The following HCN1 variants were observed in gnomAD, a reference collection of about 807,000 sequenced individuals.
HCN1 encodes hyperpolarization activated cyclic nucleotide gated potassium channel 1.
Under a neutral mutation model 78.9 loss-of-function variants are expected in HCN1, and 13 were observed. The ratio of observed to expected loss-of-function variants is 0.16; its 90% confidence interval spans 0.11 to 0.26. The LOEUF is 0.26. Ranked by LOEUF, HCN1 falls within the 10% of genes least tolerant of loss-of-function variation. The pLI is 1.00. For synonymous variants in HCN1, 552 were observed against 455.5 expected (o/e 1.21, Z -2.70); for missense variants, 810 against 1,154.3 (o/e 0.70, Z 4.32).
At chr5:45,663,233 C>G (rs1745957093) in intron 1 of HCN1, among the ~76,000 whole-genome samples, 1 of 126,652 alleles carries the variant, frequency 7.9e-6, no homozygotes, top group Admixed American at 8.4e-5. Context: ...ATAAATGGTG[C>G]TGGGAAAACT....
At chr5:45,672,709 T>C (rs2112077609) in intron 1 of HCN1, among the ~76,000 whole-genome samples, 1 of 151,376 alleles carries the variant, frequency 6.6e-6, no homozygotes, top group East Asian at 1.9e-4. Flanking sequence ...ATGCAAAAGA[T>C]CCAATTTTTT....
At chr5:45,403,890 A>G (rs746792645) in intron 3 of HCN1, among the ~76,000 whole-genome samples, 11 of 152,216 alleles carry the variant, frequency 7.2e-5, no homozygotes, top group Non-Finnish European at 1.6e-4. Context: ...ACTGAAGCAG[A>G]GAACCTAAGC....
At chr5:45,582,392 G>T (rs1157239079) in intron 2 of HCN1, among the ~76,000 whole-genome samples, 1 of 152,178 alleles carries the variant, frequency 6.6e-6, no homozygotes, top group Non-Finnish European at 1.5e-5. Flanking sequence ...CTTTGCTGAA[G>T]TTGCCTATCA....
At chr5:45,281,736 C>T (rs903815289) in intron 6 of HCN1, among the ~76,000 whole-genome samples, 6 of 151,176 alleles carry the variant, frequency 4.0e-5, no homozygotes, top group East Asian at 2.0e-4. Flanking sequence ...TACAGGTGCC[C>T]GCCACCACGC....
intron 1 of HCN1, among the ~76,000 whole-genome samples, chr5:45,693,110 A>T (rs1341339362): frequency 6.6e-6 from 1 of 152,194 alleles, no homozygotes; most frequent in Admixed American, 6.5e-5. Flanking sequence ...AAAAATTTCT[A>T]GTATCTGTTG....
At position 45,372,798 on chromosome 5, in the gene HCN1, C is replaced by T. The variant is rs550047154; in HGVS notation, c.1231-19552G>A. 8.6e-5 allele frequency among the ~76,000 whole-genome samples: 12 copies of T among 140,294 alleles called. No homozygotes were observed. The East Asian group carries it at 1.3e-3, about 15-fold the overall frequency. The allele number at this position is 140,294 out of a possible 152,430, so 92.0% of individuals were successfully genotyped here. A position where few individuals can be genotyped will look rare whatever the true frequency, so the allele number is the denominator to read the frequency against. On this transcript the variant is annotated intron_variant, in intron 4 of 7. Coordinates refer to ENST00000303230, the MANE Select transcript of HCN1 (RefSeq NM_021072.4). ...CGTATTCTATACACAAAAATATTTA[C>T]GTATTCTATACACAAATATATGTAC...
At chr5:45,582,587 C>T (rs183267751) in intron 2 of HCN1, among the ~76,000 whole-genome samples, 83 of 152,218 alleles carry the variant, frequency 5.5e-4, no homozygotes, top group African/African-American at 1.7e-3. Context: ...GAGGGCATCC[C>T]TGTCTTGTGG....
At chr5:45,462,141 T>C (rs763135173) in intron 2 of HCN1, 134 bp from the exon 3 acceptor site, 15 of 701,400 alleles carry the variant, frequency 2.1e-5, no homozygotes, top group Non-Finnish European at 3.4e-5. Flanking sequence ...CTTGCAGAAA[T>C]AGAAACAGAT....
At chr5:45,508,590 T>G (rs897631555) in intron 2 of HCN1, among the ~76,000 whole-genome samples, 1 of 152,052 alleles carries the variant, frequency 6.6e-6, no homozygotes, top group African/African-American at 2.4e-5. Context: ...CTACTTATAA[T>G]CATGCCACTG....
intron 3 of HCN1, among the ~76,000 whole-genome samples, chr5:45,458,309 T>C (rs1174150337): frequency 6.6e-6 from 1 of 152,060 alleles, no homozygotes; most frequent in East Asian, 1.9e-4. Flanking sequence ...AAGGATACAA[T>C]GAAGAAGAAT....
At chr5:45,457,333 A>G (rs1741048310) in intron 3 of HCN1, among the ~76,000 whole-genome samples, 2 of 152,150 alleles carry the variant, frequency 1.3e-5, no homozygotes, top group Non-Finnish European at 2.9e-5. Flanking sequence ...AATCTTGTTT[A>G]TAATGATTTA....
chr5:45,600,168 C>G (rs964358676), intron 2 of HCN1, among the ~76,000 whole-genome samples: 1 of 148,886 alleles, frequency 6.7e-6, no homozygotes, highest in Non-Finnish European at 1.5e-5. Flanking sequence ...TGCTTCCATT[C>G]TCTCTCTCTC....
intron 2 of HCN1, among the ~76,000 whole-genome samples, chr5:45,485,749 G>A (rs1466870083): frequency 1.3e-5 from 2 of 152,080 alleles, no homozygotes; most frequent in Non-Finnish European, 2.9e-5. Context: ...AGATCCAAGG[G>A]TTCAAAACCA....
intron 1 of HCN1, among the ~76,000 whole-genome samples, chr5:45,674,945 T>C (rs1241269894): frequency 6.6e-6 from 1 of 151,572 alleles, no homozygotes; most frequent in Non-Finnish European, 1.5e-5. Flanking sequence ...AAAATAAAAA[T>C]AATAAGATAT....
At chr5:45,335,169 A>G (rs1746428179) in intron 5 of HCN1, among the ~76,000 whole-genome samples, 1 of 151,942 alleles carries the variant, frequency 6.6e-6, no homozygotes, top group South Asian at 2.1e-4. Context: ...AACTTTGGAG[A>G]CAGGCTCAGA....
intron 1 of HCN1, among the ~76,000 whole-genome samples, chr5:45,680,540 T>C (rs1460739032): frequency 6.6e-6 from 1 of 152,140 alleles, no homozygotes; most frequent in African/African-American, 2.4e-5. Flanking sequence ...GTTAAGATTC[T>C]GATCCTTCTG....
intron 3 of HCN1, among the ~76,000 whole-genome samples, chr5:45,409,149 A>G (rs1445713059): frequency 1.3e-5 from 2 of 152,126 alleles, no homozygotes; most frequent in African/African-American, 2.4e-5. Context: ...AAGAGACTAT[A>G]TAAAAGGCTG....
intron 2 of HCN1, among the ~76,000 whole-genome samples, chr5:45,486,168 T>A (rs573291649): frequency 2.0e-5 from 3 of 152,294 alleles, no homozygotes; most frequent in South Asian, 2.1e-4. Context: ...GACATTCTTC[T>A]TGTTGAAAGC....
chr5:45,528,250 G>A (rs1014805215), intron 2 of HCN1, among the ~76,000 whole-genome samples: 1 of 151,940 alleles, frequency 6.6e-6, no homozygotes, highest in African/African-American at 2.4e-5. Flanking sequence ...TTACTGATGT[G>A]TACTTATAAA....
Sources: allele counts gnomAD v4.1 joint callset (sites outside exome capture counted in the v4.1 genomes callset), GRCh38; gene constraint gnomAD v4.1.1; transcripts MANE v1.5; gene names NCBI Gene and HGNC (gene_info 2026-07-23, HGNC 2026-07-21).